Variants in PCGF6 observed in about 807,000 individuals in gnomAD.
PCGF6 encodes the protein polycomb group ring finger 6.
PCGF6 carries 24 observed loss-of-function variants against 45.5 expected under a neutral mutation model. The observed-to-expected ratio is 0.53, with a 90% CI of 0.38 to 0.74. The LOEUF (loss-of-function observed/expected upper bound fraction) is 0.74. Ranked by LOEUF, PCGF6 falls within the 30% of genes least tolerant of loss-of-function variation. The pLI, the probability that PCGF6 is intolerant of heterozygous loss-of-function variation, is 0.00. For synonymous variants in PCGF6, 152 were observed against 162.1 expected (o/e 0.94, Z 0.47); for missense variants, 356 against 443.2 (o/e 0.80, Z 1.77).
At chr10:103,322,883 A>C (rs75692102) in intron 8 of PCGF6, among the ~76,000 whole-genome samples, 14 of 150,526 alleles carry the variant, frequency 9.3e-5, no homozygotes, top group African/African-American at 3.5e-4. Context: ...GCCACCAAAA[A>C]AAAAACAAAA....
chr10:103,343,577 G>A (rs1056449367), intron 6 of PCGF6, among the ~76,000 whole-genome samples: 12 of 151,900 alleles, frequency 7.9e-5, no homozygotes, highest in Admixed American at 2.0e-4. Context: ...GGTGGCTCAC[G>A]TCTGTAATCC....
At chr10:103,345,222 TTGAG>T in intron 5 of PCGF6, 90 bp from the exon 6 acceptor site, 2 of 909,874 alleles carry the variant, frequency 2.2e-6, no homozygotes, top group Admixed American at 4.8e-5. Flanking sequence ...TATAATTATG[TTGAG>T]TATTTAAAAG....
chr10:103,314,954 T>TC (rs2093169405), intron 8 of PCGF6, among the ~76,000 whole-genome samples: 1 of 57,180 alleles, frequency 1.7e-5, no homozygotes, highest in Admixed American at 2.7e-4. Flanking sequence ...GACTCTGTCA[T>TC]AAAAAAAAAA....
chr10:103,317,221 G>T (rs2093179253), intron 8 of PCGF6, among the ~76,000 whole-genome samples: 1 of 152,030 alleles, frequency 6.6e-6, no homozygotes, highest in Non-Finnish European at 1.5e-5. Context: ...ATGTTGGCCA[G>T]CCTGGTCTCA....
At position 103,337,044 on chromosome 10, in the gene PCGF6, T is replaced by G. The variant is rs573428766; in HGVS notation, c.783-3092A>C. 2.6e-5 allele frequency among the ~76,000 whole-genome samples: 4 copies of G among 152,306 alleles called. No individual in the cohort carries two copies. In the South Asian group the frequency reaches 8.3e-4, roughly 32 times the overall value. On this transcript the variant is annotated intron_variant, in intron 6 of 9. Transcript: ENST00000369847. The stretch of plus-strand genomic sequence containing the variant: ...CTAATTTGAGGGACTTACCATTGCT[T>G]TATTTCCAAACAAAATATTTTTGTT...
intron 6 of PCGF6, among the ~76,000 whole-genome samples, chr10:103,343,867 A>C (rs1255139707): frequency 7.1e-6 from 1 of 141,224 alleles, no homozygotes; most frequent in Non-Finnish European, 1.5e-5. Flanking sequence ...TATCTAACTA[A>C]TTTGGCAAAA....
At chr10:103,317,185 AT>A (rs2093179117) in intron 8 of PCGF6, among the ~76,000 whole-genome samples, 1 of 151,890 alleles carries the variant, frequency 6.6e-6, no homozygotes, top group South Asian at 2.1e-4. Context: ...TAATTTTTGT[AT>A]TTTTAGTGGA....
chr10:103,323,860 C>T (rs2093206665), intron 8 of PCGF6, among the ~76,000 whole-genome samples: 1 of 151,786 alleles, frequency 6.6e-6, no homozygotes, highest in Non-Finnish European at 1.5e-5. Context: ...GCTGGGATTA[C>T]AGGCATGAGC....
At chr10:103,307,624 C>T (rs1052970971) in intron 9 of PCGF6, among the ~76,000 whole-genome samples, 1 of 152,100 alleles carries the variant, frequency 6.6e-6, no homozygotes, top group Non-Finnish European at 1.5e-5. Flanking sequence ...AGGTGCATGC[C>T]ACCATGCCCT....
At chr10:103,306,007 C>T (rs1019473353) in intron 9 of PCGF6, among the ~76,000 whole-genome samples, 2 of 152,000 alleles carry the variant, frequency 1.3e-5, no homozygotes, top group Non-Finnish European at 1.5e-5. Flanking sequence ...GTGTCCAAGT[C>T]TTTTTATCTA....
intron 1 of PCGF6, 86 bp downstream of exon 1, chr10:103,350,621 G>T: frequency 7.7e-7 from 1 of 1,305,896 alleles, no homozygotes; most frequent in Non-Finnish European, 9.9e-7. Context: ...GGCGCACTAG[G>T]ATCGGGCCGG....
At chr10:103,338,873 GA>G (rs112906825) in intron 6 of PCGF6, among the ~76,000 whole-genome samples, 2 of 147,404 alleles carry the variant, frequency 1.4e-5, no homozygotes, top group East Asian at 2.0e-4. Context: ...CGTCTCAAAA[GA>G]AAAAAAAAAT....
intron 5 of PCGF6, among the ~76,000 whole-genome samples, chr10:103,345,958 C>T (rs929799966): frequency 6.6e-6 from 1 of 151,910 alleles, no homozygotes; most frequent in Non-Finnish European, 1.5e-5. Context: ...TTTGGGAGGC[C>T]GAGGTGGGTG....
At chr10:103,347,141 A>G (rs538137549) in intron 5 of PCGF6, 97 bp downstream of exon 5, 3 of 911,748 alleles carry the variant, frequency 3.3e-6, no homozygotes, top group South Asian at 1.6e-5. Context: ...CTCTGATCAT[A>G]TAATAAGCTA....
At chr10:103,341,001 G>A (rs1488150271) in intron 6 of PCGF6, among the ~76,000 whole-genome samples, 1 of 152,040 alleles carries the variant, frequency 6.6e-6, no homozygotes, top group African/African-American at 2.4e-5. Context: ...GGTCCAAGGT[G>A]GGCGGATCAC....
intron 5 of PCGF6, among the ~76,000 whole-genome samples, chr10:103,346,485 G>A (rs905174447): frequency 1.3e-5 from 2 of 151,904 alleles, no homozygotes; most frequent in African/African-American, 2.4e-5. Context: ...TTAGCTTGGC[G>A]TAGTGGCGGG....
intron 6 of PCGF6, among the ~76,000 whole-genome samples, chr10:103,338,885 G>A (rs925496650): frequency 8.6e-5 from 13 of 151,972 alleles, no homozygotes; most frequent in Admixed American, 7.2e-4. Flanking sequence ...AAAAAAAAAT[G>A]CATACCCAAT....
At chr10:103,329,515 T>C (rs2093231992) in intron 7 of PCGF6, among the ~76,000 whole-genome samples, 1 of 152,120 alleles carries the variant, frequency 6.6e-6, no homozygotes, top group Non-Finnish European at 1.5e-5. Context: ...TTTGCTCTTG[T>C]TGCCCAGGCT....
chr10:103,329,735 A>C (rs1236304681), intron 7 of PCGF6, among the ~76,000 whole-genome samples: 4 of 152,018 alleles, frequency 2.6e-5, no homozygotes, highest in African/African-American at 9.7e-5. Flanking sequence ...AGCCTCCCAA[A>C]GTGCTGGGAT....
Sources: allele counts gnomAD v4.1 joint callset (sites outside exome capture counted in the v4.1 genomes callset), GRCh38; gene constraint gnomAD v4.1.1; transcripts MANE v1.5; gene names NCBI Gene and HGNC (gene_info 2026-07-23, HGNC 2026-07-21).